The following CARMIL1 variants were observed in gnomAD, a reference collection of about 807,000 sequenced individuals.
The protein encoded by CARMIL1 is F-actin-uncapping protein LRRC16A.
CARMIL1 carries 90 observed loss-of-function variants against 177.1 expected under a neutral mutation model. That is an observed-to-expected ratio of 0.51 (90% CI 0.43 to 0.61). The LOEUF (loss-of-function observed/expected upper bound fraction) is 0.61. CARMIL1 is among the 20% of genes least tolerant of loss of function. The probability of loss-of-function intolerance (pLI) is 0.00; values close to 1 mark genes in which losing one functional copy is unlikely to be tolerated. For missense variants in CARMIL1, 1,380 were observed against 1,667.0 expected (o/e 0.83, Z 3.00); for synonymous variants, 577 against 606.2 (o/e 0.95, Z 0.71).
chr6:25,412,474 C>T (rs4712934), intron 2 of CARMIL1, among the ~76,000 whole-genome samples: 15,744 of 152,110 alleles, frequency 0.1, 1,049 homozygotes, highest in South Asian at 0.19. Context: ...CCAGCTACTC[C>T]GGAGGCTGAG....
chr6:25,335,114 G>T (rs1273576741), intron 2 of CARMIL1, among the ~76,000 whole-genome samples: 1 of 152,194 alleles, frequency 6.6e-6, no homozygotes, highest in Non-Finnish European at 1.5e-5. Context: ...CCTGCATGGG[G>T]TTATGCTTTT....
chr6:25,598,109 A>T (rs1050365837), intron 32 of CARMIL1, among the ~76,000 whole-genome samples: 10 of 152,078 alleles, frequency 6.6e-5, no homozygotes, highest in Admixed American at 5.9e-4. Context: ...TAATTTTTTT[A>T]AAAAACCAAT....
intron 2 of CARMIL1, among the ~76,000 whole-genome samples, chr6:25,318,304 A>G (rs979679276): frequency 2.0e-5 from 3 of 152,158 alleles, no homozygotes; most frequent in African/African-American, 7.2e-5. Flanking sequence ...CGGGAAGGGA[A>G]AGACTGGGGA....
At position 25,392,054 on chromosome 6, in the gene CARMIL1, ATGTGTGTGTGTG is replaced by A. The variant is rs36076582; in HGVS notation, c.139-28026_139-28015del. Among the ~76,000 whole-genome samples the A allele has an allele frequency of 5.9e-3, 820 of 139,336 alleles. 11 individuals carry two copies. Among genetic ancestry groups the A allele is most frequent in the Middle Eastern group, 0.028 (8 of 286 alleles). The allele number at this position is 139,336 out of a possible 152,430, so 91.4% of individuals were successfully genotyped here. ...TGTGTATGCATGTGTGTGTATATGC[ATGTGTGTGTGTG>A]TGTGTGTGTGTGTGTGTGTGTGTGT... On this transcript the variant is annotated intron_variant, in intron 2 of 36. Coordinates refer to ENST00000329474, the MANE Select transcript of CARMIL1 (RefSeq NM_017640.6).
Position 25,550,860 on chromosome 6 carries a change from C to T in CARMIL1, c.2329-50C>T, listed in dbSNP as rs1810026045. The T allele has an allele frequency of 2.6e-6, 4 of 1,531,430 alleles. 1 individual carries two copies. The highest frequency in any genetic ancestry group is 2.5e-5 in the South Asian group (2 of 81,626). 94.9% of individuals were successfully genotyped at this position (1,531,430 alleles called of 1,614,324 possible). A position where few individuals can be genotyped will look rare whatever the true frequency, so the allele number is the denominator to read the frequency against. On this transcript the variant is annotated intron_variant, in intron 26 of 36. Coordinates refer to ENST00000329474, the MANE Select transcript of CARMIL1 (RefSeq NM_017640.6). ...CCACCTTTCAGTTTTATGGCGGGCA[C>T]CTCGGGTGCAGTGTCATCATCTCTT... is the stretch of plus-strand genomic sequence containing the variant.
intron 28 of CARMIL1, among the ~76,000 whole-genome samples, chr6:25,555,357 A>G (rs957091448): frequency 2.0e-5 from 3 of 151,002 alleles, no homozygotes; most frequent in African/African-American, 4.9e-5. Context: ...CTTTTTTTAA[A>G]TAAGTACAAA....
intron 2 of CARMIL1, among the ~76,000 whole-genome samples, chr6:25,325,625 ATTAT>A (rs1359185536): frequency 6.6e-6 from 1 of 152,238 alleles, no homozygotes; most frequent in Non-Finnish European, 1.5e-5. Context: ...TGAAAAGTTC[ATTAT>A]TTATTCATTA....
Position 25,619,520 on chromosome 6 carries a change from C to T in CARMIL1, c.4053C>T (p.Gly1351=). 3 of 1,613,802 alleles carry T rather than the reference C, an allele frequency of 1.9e-6. No homozygotes were observed. Among genetic ancestry groups the T allele is most frequent in the Non-Finnish European group, 2.5e-6 (3 of 1,179,798 alleles). Residue 1351 remains glycine, a synonymous_variant, in exon 37 of 37, where the codon GGC becomes GGT. Transcript: ENST00000329474. ...EQKQRSSSKD[G]HQGSKSNDSG... is the part of the protein sequence containing the mutation. ...AGCAACGGTCCTCCAGTAAAGATGGCCATCAAGGCAGCAAATCTAATGACT... is the reference window on the plus strand; with the variant it reads ...AGCAACGGTCCTCCAGTAAAGATGGTCATCAAGGCAGCAAATCTAATGACT...
At chr6:25,432,463 A>G (rs941979027) in intron 4 of CARMIL1, among the ~76,000 whole-genome samples, 7 of 152,050 alleles carry the variant, frequency 4.6e-5, no homozygotes, top group African/African-American at 1.4e-4. Flanking sequence ...TACTATTGCT[A>G]TTTTCCCCTT....
chr6:25,470,061 T>C (rs964622654), intron 9 of CARMIL1, among the ~76,000 whole-genome samples: 1 of 152,218 alleles, frequency 6.6e-6, no homozygotes, highest in African/African-American at 2.4e-5. Flanking sequence ...TTAACATATA[T>C]GCATAATAGT....
intron 31 of CARMIL1, among the ~76,000 whole-genome samples, chr6:25,591,487 C>T (rs955936037): frequency 2.6e-5 from 4 of 152,212 alleles, no homozygotes; most frequent in Non-Finnish European, 5.9e-5. Flanking sequence ...TTTCCAACAG[C>T]TGTTCTACCC....
intron 5 of CARMIL1, among the ~76,000 whole-genome samples, chr6:25,443,448 A>G (rs1004039945): frequency 6.6e-6 from 1 of 152,228 alleles, no homozygotes; most frequent in Non-Finnish European, 1.5e-5. Context: ...GCACTTGTAG[A>G]TCTTGTGCAT....
chr6:25,497,967 TC>T (rs1803909032), intron 16 of CARMIL1, among the ~76,000 whole-genome samples: 1 of 152,204 alleles, frequency 6.6e-6, no homozygotes, highest in Non-Finnish European at 1.5e-5. Flanking sequence ...GTGATGCTGT[TC>T]CTTGGTGTTT....
At chr6:25,339,234 T>G (rs1282766309) in intron 2 of CARMIL1, among the ~76,000 whole-genome samples, 1 of 152,226 alleles carries the variant, frequency 6.6e-6, no homozygotes, top group Non-Finnish European at 1.5e-5. Flanking sequence ...GTTAGCTATT[T>G]GAGTCCTCTT....
intron 29 of CARMIL1, among the ~76,000 whole-genome samples, chr6:25,562,958 A>C (rs1217053739): frequency 6.6e-6 from 1 of 152,234 alleles, no homozygotes; most frequent in African/African-American, 2.4e-5. Context: ...GAACTATATT[A>C]AATGTCTCTA....
chr6:25,499,478 T>C (rs374141012), intron 16 of CARMIL1, among the ~76,000 whole-genome samples: 6 of 152,226 alleles, frequency 3.9e-5, no homozygotes, highest in Non-Finnish European at 7.4e-5. Flanking sequence ...TTGGATTTTA[T>C]AGGACTGACT....
intron 8 of CARMIL1, among the ~76,000 whole-genome samples, chr6:25,454,375 G>A (rs540442785): frequency 3.9e-5 from 6 of 152,290 alleles, no homozygotes; most frequent in African/African-American, 1.4e-4. Flanking sequence ...GTATGAATGA[G>A]TATTGCTATG....
At chr6:25,586,098 G>A (rs1172252962) in intron 31 of CARMIL1, among the ~76,000 whole-genome samples, 2 of 143,542 alleles carry the variant, frequency 1.4e-5, no homozygotes, top group South Asian at 2.2e-4. Flanking sequence ...AGGCAGAGGC[G>A]CCCCCCATCT....
At chr6:25,540,593 A>G (rs987319652) in intron 26 of CARMIL1, among the ~76,000 whole-genome samples, 1 of 152,182 alleles carries the variant, frequency 6.6e-6, no homozygotes, top group African/African-American at 2.4e-5. Flanking sequence ...AAGGTAAGAA[A>G]AGAAACAAAA....
Sources: allele counts gnomAD v4.1 joint callset (sites outside exome capture counted in the v4.1 genomes callset), GRCh38; gene constraint gnomAD v4.1.1; transcripts MANE v1.5; gene names NCBI Gene and HGNC (gene_info 2026-07-23, HGNC 2026-07-21).